Variants in PCDHA5 observed in about 807,000 individuals in gnomAD.
The protein encoded by PCDHA5 is protocadherin alpha-5.
PCDHA5 carries 43 observed loss-of-function variants against 61.6 expected under a neutral mutation model. The ratio of observed to expected loss-of-function variants is 0.70; its 90% CI spans 0.55 to 0.90. The LOEUF (loss-of-function observed/expected upper bound fraction) is 0.90. Ranked by LOEUF, PCDHA5 falls within the 40% of genes least tolerant of loss-of-function variation. The pLI is 0.00. For missense variants in PCDHA5, 1,298 were observed against 1,222.7 expected (o/e 1.06, Z -0.92); for synonymous variants, 627 against 543.9 (o/e 1.15, Z -2.13).
chr5:140,829,552 C>A (rs1302023406), intron 1 of PCDHA5: 5 of 1,612,754 alleles, frequency 3.1e-6, no homozygotes, highest in African/African-American at 1.3e-5. Context: ...CGCAGGAGAA[C>A]GCGCTGGTGT....
At chr5:140,837,346 A>G (rs1387832105) in intron 1 of PCDHA5, among the ~76,000 whole-genome samples, 2 of 152,056 alleles carry the variant, frequency 1.3e-5, no homozygotes, top group African/African-American at 2.4e-5. Context: ...AATTTAAAAT[A>G]GTTTAAATGG....
At chr5:141,001,144 C>T (rs1225047253) in intron 3 of PCDHA5, among the ~76,000 whole-genome samples, 3 of 151,960 alleles carry the variant, frequency 2.0e-5, no homozygotes, top group Non-Finnish European at 4.4e-5. Context: ...TCTTCTGTTG[C>T]TCTGATCTTA....
At chr5:140,826,269 A>G (rs1554130513) in intron 1 of PCDHA5, among the ~76,000 whole-genome samples, 5 of 152,168 alleles carry the variant, frequency 3.3e-5, no homozygotes, top group Non-Finnish European at 7.4e-5. Flanking sequence ...GTCTTTATGT[A>G]TATTTTGTGC....
intron 1 of PCDHA5, chr5:140,969,308 A>G (rs782412499): frequency 1.9e-6 from 3 of 1,614,196 alleles, no homozygotes; most frequent in Middle Eastern, 3.3e-4. Context: ...TATTCTCAAA[A>G]ATGAGGCTGT....
intron 1 of PCDHA5, among the ~76,000 whole-genome samples, chr5:140,935,180 T>C (rs781934014): frequency 3.9e-5 from 6 of 152,214 alleles, no homozygotes; most frequent in Non-Finnish European, 7.3e-5. Flanking sequence ...TTATTGCTGC[T>C]GGGTCAGTTG....
At chr5:141,006,637 T>C (rs782585273) in intron 3 of PCDHA5, among the ~76,000 whole-genome samples, 8 of 152,118 alleles carry the variant, frequency 5.3e-5, no homozygotes, top group Non-Finnish European at 1.2e-4. Flanking sequence ...GCAATTCATA[T>C]AAGAGATGAT....
At position 140,832,519 on chromosome 5, in the gene PCDHA5, T is replaced by A. The variant is rs114374646; in HGVS notation, c.2352+8392T>A. 4.8e-3 allele frequency among the ~76,000 whole-genome samples: 727 copies of A among 152,336 alleles called. 10 individuals are homozygous for A. The highest frequency in any genetic ancestry group is 0.017 in the African/African-American group (702 of 41,586). ...GTGGCAGAATTGTCTCTGATTATAC[T>A]GAAGATCACCATTTGTGTAGCTAAT... is the stretch of plus-strand genomic sequence containing the variant. On this transcript the variant is annotated intron_variant, in intron 1 of 3. Coordinates refer to ENST00000529859, the MANE Select transcript of PCDHA5 (RefSeq NM_018908.3).
chr5:140,928,522 T>G lies in PCDHA5; in HGVS notation c.2353-50427T>G, dbSNP rs373009645. The G allele has an allele frequency of 4.3e-6, 7 of 1,614,150 alleles. No homozygotes were observed. Among genetic ancestry groups the G allele is most frequent in the African/African-American group, 1.3e-5 (1 of 75,032 alleles). On this transcript the variant is annotated intron_variant, in intron 1 of 3. Coordinates refer to ENST00000529859, the MANE Select transcript of PCDHA5 (RefSeq NM_018908.3). ...AAGTGCAACAGTGACTATAAACTTG[T>G]TTGTGGTAGATAGGAATGACAATTA...
chr5:140,916,303 A>G (rs2077518127), intron 1 of PCDHA5, among the ~76,000 whole-genome samples: 1 of 152,176 alleles, frequency 6.6e-6, no homozygotes, highest in Admixed American at 6.5e-5. Context: ...ACTGGTACCA[A>G]AGGTGCAAGA....
chr5:140,883,581 C>A, intron 1 of PCDHA5: 2 of 1,614,018 alleles, frequency 1.2e-6, no homozygotes, highest in Non-Finnish European at 1.7e-6. Flanking sequence ...CTGTGGGCCA[C>A]GGCCAGCGTG....
intron 1 of PCDHA5, chr5:140,856,057 C>T: frequency 6.3e-7 from 1 of 1,587,068 alleles, no homozygotes; most frequent in East Asian, 2.2e-5. Flanking sequence ...AGATGGTTTC[C>T]AGATGTAGCT....
At chr5:140,884,141 G>C in intron 1 of PCDHA5, 1 of 1,613,422 alleles carries the variant, frequency 6.2e-7, no homozygotes, top group South Asian at 1.1e-5. Flanking sequence ...GTTCCGCGTG[G>C]GGCTGTACAC....
At chr5:140,870,634 G>A (rs782716769) in intron 1 of PCDHA5, 49 of 1,612,744 alleles carry the variant, frequency 3.0e-5, no homozygotes, top group Non-Finnish European at 3.9e-5. Context: ...GTCGGTGCAC[G>A]CGGAGAGCGG....
At chr5:140,880,403 T>C (rs1474959731) in intron 1 of PCDHA5, among the ~76,000 whole-genome samples, 1 of 152,186 alleles carries the variant, frequency 6.6e-6, no homozygotes, top group Non-Finnish European at 1.5e-5. Flanking sequence ...GAGCATATGG[T>C]TGACCTTAAA....
chr5:140,887,497 A>G (rs981649331), intron 1 of PCDHA5, among the ~76,000 whole-genome samples: 1 of 152,150 alleles, frequency 6.6e-6, no homozygotes, highest in Admixed American at 6.5e-5. Context: ...ATAGTTTCTA[A>G]TAAGATGTTT....
intron 1 of PCDHA5, among the ~76,000 whole-genome samples, chr5:140,909,351 T>C (rs2153508982): frequency 6.6e-6 from 1 of 152,238 alleles, no homozygotes; most frequent in African/African-American, 2.4e-5. Context: ...TACCAAGAGA[T>C]GTGTTAATTT....
chr5:140,931,414 T>C (rs2087515742), intron 1 of PCDHA5, among the ~76,000 whole-genome samples: 1 of 151,886 alleles, frequency 6.6e-6, no homozygotes, highest in Non-Finnish European at 1.5e-5. Context: ...GGCTGATGAA[T>C]CTAGAAGTTA....
chr5:140,895,892 A>T (rs1554186717), intron 1 of PCDHA5, among the ~76,000 whole-genome samples: 1 of 152,080 alleles, frequency 6.6e-6, no homozygotes, highest in Non-Finnish European at 1.5e-5. Flanking sequence ...GCTCACTGCA[A>T]CCTCCGCGTC....
intron 1 of PCDHA5, chr5:140,850,828 C>T: frequency 6.3e-7 from 1 of 1,598,230 alleles, no homozygotes; most frequent in African/African-American, 1.3e-5. Context: ...GGCCTTTCTC[C>T]TTGTGCTGGA....
Sources: gnomAD v4.1 joint callset for allele counts (sites outside exome capture counted in the v4.1 genomes callset) on GRCh38, gnomAD v4.1.1 for gene constraint, MANE v1.5 for transcripts, NCBI Gene and HGNC (gene_info 2026-07-23, HGNC 2026-07-21) for gene names.